Variants in DLGAP1 observed in about 807,000 individuals in gnomAD.
DLGAP1 encodes the protein DLG associated protein 1.
A neutral mutation model predicts 90.8 loss-of-function variants in DLGAP1; 11 were observed. The ratio of observed to expected loss-of-function variants is 0.12; its 90% CI spans 0.08 to 0.20. The LOEUF is 0.20. Ranked by LOEUF, DLGAP1 falls within the 10% of genes least tolerant of loss-of-function variation. The probability of loss-of-function intolerance (pLI) is 1.00; values close to 1 mark genes in which losing one functional copy is unlikely to be tolerated. For missense variants in DLGAP1, 1,050 were observed against 1,333.8 expected (o/e 0.79, Z 3.31); for synonymous variants, 558 against 540.7 (o/e 1.03, Z -0.44).
At chr18:4,322,961 A>AC (rs1388321943) in intron 1 of DLGAP1, among the ~76,000 whole-genome samples, 5 of 134,108 alleles carry the variant, frequency 3.7e-5, no homozygotes, top group Non-Finnish European at 8.3e-5. Flanking sequence ...AAAAAAAAAA[A>AC]AAAAAAAGGA....
intron 1 of DLGAP1, among the ~76,000 whole-genome samples, chr18:4,319,320 C>T (rs959951154): frequency 5.9e-5 from 9 of 152,004 alleles, no homozygotes; most frequent in Non-Finnish European, 7.4e-5. Context: ...TGATTTTTAG[C>T]GATTATATTG....
intron 7 of DLGAP1, chr18:3,604,326 T>A (rs1389474098): frequency 6.6e-6 from 1 of 152,146 alleles, no homozygotes; most frequent in Non-Finnish European, 1.5e-5. Flanking sequence ...CCCCACTGAT[T>A]CCCTTCTTTC....
At chr18:3,907,172 A>AC (rs5822773) in intron 3 of DLGAP1, among the ~76,000 whole-genome samples, 2 of 151,870 alleles carry the variant, frequency 1.3e-5, no homozygotes, top group Admixed American at 6.6e-5. Flanking sequence ...TGGGACCAAT[A>AC]CCCCCCCAAA....
chr18:3,700,859 TC>T (rs2061258478), intron 7 of DLGAP1, among the ~76,000 whole-genome samples: 1 of 151,672 alleles, frequency 6.6e-6, no homozygotes, highest in South Asian at 2.1e-4. Context: ...TCCGCCCACC[TC>T]GGCCTCCCAA....
intron 5 of DLGAP1, among the ~76,000 whole-genome samples, chr18:3,743,364 T>C (rs927338786): frequency 1.3e-5 from 2 of 152,024 alleles, no homozygotes; most frequent in African/African-American, 4.8e-5. Flanking sequence ...ATTTTTTTTT[T>C]ATTTTTTTGA....
chr18:4,034,037 CTTT>C (rs1212913784), intron 2 of DLGAP1, among the ~76,000 whole-genome samples: 2 of 111,210 alleles, frequency 1.8e-5, no homozygotes, highest in South Asian at 7.1e-4. Flanking sequence ...GCGCCCGGCC[CTTT>C]TTTTTTTTTT....
At chr18:3,651,056 C>T (rs563075122) in intron 7 of DLGAP1, among the ~76,000 whole-genome samples, 26 of 151,130 alleles carry the variant, frequency 1.7e-4, no homozygotes, top group South Asian at 8.4e-4. Flanking sequence ...CAGAGCCAGA[C>T]TCTGTCTCAA....
chr18:4,385,593 TG>T (rs2082214530), intron 1 of DLGAP1, among the ~76,000 whole-genome samples: 1 of 152,016 alleles, frequency 6.6e-6, no homozygotes, highest in South Asian at 2.1e-4. Context: ...ACAAGCGCCA[TG>T]GGAATGAGCA....
chr18:4,244,441 C>G (rs545089908), intron 1 of DLGAP1, among the ~76,000 whole-genome samples: 37 of 152,164 alleles, frequency 2.4e-4, no homozygotes, highest in African/African-American at 8.9e-4. Flanking sequence ...AAAAAAACTA[C>G]CTAATTTACA....
In DLGAP1 at chr18:3,879,434, A is replaced by T. The variant is rs752839945; in HGVS notation, c.635T>A (p.Met212Lys). The T allele has an allele frequency of 1.9e-6, 3 of 1,609,436 alleles. No individual in the cohort carries two copies. In the South Asian group the frequency reaches 3.3e-5, roughly 18 times the overall value. The change falls in exon 4 of 13, where the codon ATG becomes AAG. Residue 212 changes from methionine to lysine, a missense_variant. Transcript: ENST00000315677. The surrounding 1 kb of genome is among the most constrained non-coding windows in gnomAD (Gnocchi z 6.6). ...WSSDDNLDGD[M>K]CIYHAPSGVM... ...GCCCGAGGGGGCGTGGTAGATGCAC[A>T]TGTCACCATCCAGGTTGTCGTCCGA...
At chr18:4,245,800 T>C (rs931841464) in intron 1 of DLGAP1, among the ~76,000 whole-genome samples, 2 of 147,324 alleles carry the variant, frequency 1.4e-5, no homozygotes, top group South Asian at 2.1e-4. Flanking sequence ...GCAAAGATAC[T>C]CTTTTATTCA....
chr18:4,026,594 A>C (rs911171235), intron 2 of DLGAP1, among the ~76,000 whole-genome samples: 3 of 152,190 alleles, frequency 2.0e-5, no homozygotes, highest in African/African-American at 7.2e-5. Context: ...CTCTGAGTAT[A>C]AGCAATCATT....
intron 2 of DLGAP1, among the ~76,000 whole-genome samples, chr18:4,015,155 G>C (rs1030493796): frequency 6.6e-6 from 1 of 152,148 alleles, no homozygotes; most frequent in Non-Finnish European, 1.5e-5. Context: ...GTCCCACGCT[G>C]GAAAAACACT....
intron 2 of DLGAP1, among the ~76,000 whole-genome samples, chr18:4,068,262 G>A (rs180760338): frequency 2.0e-5 from 3 of 151,996 alleles, no homozygotes; most frequent in African/African-American, 7.2e-5. Flanking sequence ...GCTTGTAATA[G>A]TGACTTACTC....
intron 4 of DLGAP1, among the ~76,000 whole-genome samples, chr18:3,844,222 C>G (rs542846797): frequency 5.3e-4 from 81 of 152,326 alleles, no homozygotes; most frequent in African/African-American, 1.9e-3. Context: ...TCTGAAATAT[C>G]TTTTGAGGTC....
chr18:3,848,083 G>A (rs1182124866), intron 4 of DLGAP1, among the ~76,000 whole-genome samples: 2 of 119,344 alleles, frequency 1.7e-5, no homozygotes, highest in Non-Finnish European at 3.2e-5. Flanking sequence ...AGTCATGATC[G>A]TGCCATTGCA....
At chr18:4,085,451 T>C (rs1308226918) in intron 2 of DLGAP1, among the ~76,000 whole-genome samples, 1 of 151,300 alleles carries the variant, frequency 6.6e-6, no homozygotes, top group Non-Finnish European at 1.5e-5. Context: ...CTTTATTCCC[T>C]TCTTACCACA....
intron 3 of DLGAP1, among the ~76,000 whole-genome samples, chr18:3,939,786 G>T (rs2072730633): frequency 6.6e-6 from 1 of 152,164 alleles, no homozygotes; most frequent in Non-Finnish European, 1.5e-5. Context: ...ATCAAGGAAT[G>T]CATTTAAATC....
At chr18:4,233,404 A>G (rs2078339824) in intron 1 of DLGAP1, among the ~76,000 whole-genome samples, 1 of 152,052 alleles carries the variant, frequency 6.6e-6, no homozygotes. Context: ...TCAGTTTGAG[A>G]TTGTCTGATA....
Sources: gnomAD v4.1 joint callset for allele counts (sites outside exome capture counted in the v4.1 genomes callset) on GRCh38, gnomAD v4.1.1 for gene constraint, Gnocchi (gnomAD v3.1) non-coding constraint, MANE v1.5 for transcripts, NCBI Gene and HGNC (gene_info 2026-07-23, HGNC 2026-07-21) for gene names.